The following RSAD2 variants were observed in gnomAD, a reference collection of about 807,000 sequenced individuals.
The protein encoded by RSAD2 is S-adenosylmethionine-dependent nucleotide dehydratase RSAD2.
RSAD2 carries 38 observed loss-of-function variants against 37.7 expected under a neutral mutation model. The observed-to-expected ratio is 1.01, with a 90% confidence interval of 0.78 to 1.32. The LOEUF (loss-of-function observed/expected upper bound fraction) is 1.32, where lower values mean the gene tolerates loss of function less well. Among genes scored for constraint, RSAD2 ranks in the 40% most tolerant of loss-of-function variants. The pLI is 0.00. For synonymous variants in RSAD2, 163 were observed against 157.4 expected (o/e 1.04, Z -0.27); for missense variants, 428 against 437.5 (o/e 0.98, Z 0.19).
intron 1 of RSAD2, chr2:6,878,928 T>G: frequency 6.5e-6 from 6 of 922,070 alleles, no homozygotes; most frequent in Non-Finnish European, 9.2e-6. Context: ...ATATTCTGGA[T>G]GTGCACCCTG....
Position 6,891,787 on chromosome 2 carries a change from G to T in RSAD2, c.888+1462G>T, listed in dbSNP as rs538639422. On this transcript the variant is annotated intron_variant, in intron 4 of 5. Transcript: ENST00000382040. ...TCTCAAACAAACAAACAAACAAAAA[G>T]AATAATACCAAAAAAAAATAAAGAT... 4.0e-5 allele frequency among the ~76,000 whole-genome samples: 6 copies of T among 150,972 alleles called. No individual in the cohort carries two copies. The South Asian group carries it at 1.2e-3, about 31-fold the overall frequency.
chr2:6,877,808 T>C lies in RSAD2; in HGVS notation c.8T>C (p.Val3Ala). MW[V>A]LTPAAFAGKL... is the part of the protein sequence containing the mutation. The stretch of plus-strand genomic sequence containing the variant: ...CTCCAGGCATCTGCCACAATGTGGG[T>C]GCTTACACCTGCTGCTTTTGCTGGG... The change falls in exon 1 of 6, where the codon GTG becomes GCG. Residue 3 changes from valine (V) to alanine (A), a missense_variant. Coordinates refer to ENST00000382040, the MANE Select transcript of RSAD2 (RefSeq NM_080657.5). The C allele has an allele frequency of 6.2e-7, 1 of 1,613,202 alleles. No homozygotes were observed. The highest frequency in any genetic ancestry group is 8.5e-7 in the Non-Finnish European group (1 of 1,179,474).
Position 6,883,500 on chromosome 2 carries a change from G to A in RSAD2, c.476G>A (p.Ser159Asn), listed in dbSNP as rs1216788987. 6.2e-7 allele frequency: 1 copy of A among 1,614,206 alleles called. No homozygotes were observed. Among genetic ancestry groups the A allele is most frequent in the South Asian group, 1.1e-5 (1 of 91,088 alleles). Reference protein sequence around the residue: ...LPSVSIVSNGSLIRERWFQNY... With the variant: ...LPSVSIVSNGNLIRERWFQNY... ...AGCGTGAGCATCGTGAGCAATGGAA[G>A]CCTGATCCGGGAGAGGTGGTTCCAG... Residue 159 changes from serine to asparagine, a missense_variant, in exon 2 of 6, where the codon AGC (serine) becomes AAC (asparagine). Transcript: ENST00000382040.
chr2:6,892,948 T>C (rs981157613), intron 4 of RSAD2, among the ~76,000 whole-genome samples: 3 of 152,336 alleles, frequency 2.0e-5, no homozygotes, highest in Non-Finnish European at 2.9e-5. Context: ...GTTTTCTGGG[T>C]CCATAAATTA....
chr2:6,892,018 C>G (rs1163367726), intron 4 of RSAD2, among the ~76,000 whole-genome samples: 5 of 152,110 alleles, frequency 3.3e-5, no homozygotes, highest in African/African-American at 1.2e-4. Flanking sequence ...CTACATATTC[C>G]TTTGGTTATC....
intron 3 of RSAD2, among the ~76,000 whole-genome samples, chr2:6,889,324 A>T (rs527985733): frequency 6.6e-6 from 1 of 152,344 alleles, no homozygotes; most frequent in Non-Finnish European, 1.5e-5. Flanking sequence ...TAGCAAAATT[A>T]TCCTATGACC....
intron 1 of RSAD2, among the ~76,000 whole-genome samples, chr2:6,882,978 G>T (rs111912777): frequency 1.6e-4 from 25 of 152,340 alleles, no homozygotes; most frequent in African/African-American, 6.0e-4. Flanking sequence ...GAGGGTGGGC[G>T]ATGCGGAATC....
intron 1 of RSAD2, chr2:6,878,839 C>A: frequency 1.6e-6 from 2 of 1,221,438 alleles, no homozygotes; most frequent in South Asian, 1.4e-5. Flanking sequence ...CAACTAGTAA[C>A]TTCAGCAACA....
intron 4 of RSAD2, among the ~76,000 whole-genome samples, chr2:6,893,180 T>C (rs561826993): frequency 2.1e-3 from 318 of 152,354 alleles, no homozygotes; most frequent in African/African-American, 7.4e-3. Flanking sequence ...AGCTTCTATA[T>C]ACCTATAGAA....
At chr2:6,866,149 CG>C (rs1231292331) in intron 1 of RSAD2, 2 of 208,180 alleles carry the variant, frequency 9.6e-6, no homozygotes, top group Non-Finnish European at 2.0e-5. Context: ...GGGGTGCACG[CG>C]CGAGGGACAG....
upstream of RSAD2, among the ~76,000 whole-genome samples, chr2:6,874,303 T>C (rs767210562): frequency 1.3e-5 from 2 of 152,220 alleles, no homozygotes; most frequent in Non-Finnish European, 2.9e-5. Flanking sequence ...CCTATTTTCC[T>C]TATAAATGAC....
At chr2:6,885,990 A>T (rs1447007094) in intron 2 of RSAD2, among the ~76,000 whole-genome samples, 2 of 152,270 alleles carry the variant, frequency 1.3e-5, no homozygotes, top group African/African-American at 4.8e-5. Flanking sequence ...AGCCCAAAAT[A>T]GGAGTTAAAA....
At chr2:6,888,321 CTTTTGG>C (rs1451560335) in intron 3 of RSAD2, among the ~76,000 whole-genome samples, 2 of 152,112 alleles carry the variant, frequency 1.3e-5, no homozygotes, top group East Asian at 3.8e-4. Context: ...TGAACTTGAA[CTTTTGG>C]TTACATATAT....
Position 6,895,760 on chromosome 2 carries a change from C to T in RSAD2, c.922-18C>T. On this transcript the variant is annotated intron_variant, in intron 5 of 5. Transcript: ENST00000382040. ...TCATCACATGGAAATATACCAGTTT[C>T]TGTTATGAATTTTCTAGATGCGCTT... The T allele has an allele frequency of 6.2e-7, 1 of 1,605,178 alleles. No homozygotes were observed. Among genetic ancestry groups the T allele is most frequent in the Non-Finnish European group, 8.5e-7 (1 of 1,174,476 alleles).
chr2:6,872,245 C>T (rs1663214175), intron 1 of RSAD2, among the ~76,000 whole-genome samples: 1 of 152,114 alleles, frequency 6.6e-6, no homozygotes, highest in Non-Finnish European at 1.5e-5. Flanking sequence ...TACTAAGACA[C>T]TATTGCTAAA....
chr2:6,873,435 C>A (rs1450434838), upstream of RSAD2, among the ~76,000 whole-genome samples: 2 of 152,170 alleles, frequency 1.3e-5, no homozygotes, highest in African/African-American at 4.8e-5. Context: ...TGCAAATGGG[C>A]TTTCCATAAG....
intron 1 of RSAD2, chr2:6,866,355 C>G (rs1031754032): frequency 1.8e-5 from 15 of 849,558 alleles, no homozygotes; most frequent in Middle Eastern, 1.2e-3. Context: ...TCTGGCTCTT[C>G]CCTCTCCTGT....
intron 2 of RSAD2, 95 bp downstream of exon 2, chr2:6,883,627 G>A: frequency 1.4e-6 from 2 of 1,432,724 alleles, no homozygotes; most frequent in South Asian, 1.3e-5. Context: ...AGCCAGGCCT[G>A]CTGAGGAACT....
At chr2:6,884,221 G>T (rs947471064) in intron 2 of RSAD2, among the ~76,000 whole-genome samples, 2 of 152,172 alleles carry the variant, frequency 1.3e-5, no homozygotes, top group African/African-American at 4.8e-5. Flanking sequence ...ATCTGTTGAG[G>T]ATGTTGCTGA....
Sources: gnomAD v4.1 joint callset for allele counts (sites outside exome capture counted in the v4.1 genomes callset) on GRCh38, gnomAD v4.1.1 for gene constraint, MANE v1.5 for transcripts, NCBI Gene and HGNC (gene_info 2026-07-23, HGNC 2026-07-21) for gene names.